Variants in TGM4 observed in about 807,000 individuals in gnomAD.
The protein encoded by TGM4 is protein-glutamine gamma-glutamyltransferase 4.
TGM4 carries 61 observed loss-of-function variants against 76.3 expected under a neutral mutation model. The observed-to-expected ratio is 0.80, with a 90% CI of 0.65 to 0.99. The LOEUF (loss-of-function observed/expected upper bound fraction) is 0.99. Among genes scored for constraint, TGM4 ranks in the 50% least tolerant of loss-of-function variants. The pLI is 0.00. For synonymous variants in TGM4, 337 were observed against 329.8 expected (o/e 1.02, Z -0.24); for missense variants, 794 against 843.2 (o/e 0.94, Z 0.72).
chr3:44,879,237 GTCTC>G (rs377695202), intron 1 of TGM4, among the ~76,000 whole-genome samples: 9,710 of 117,708 alleles, frequency 0.082, 511 homozygotes, highest in East Asian at 0.16. Flanking sequence ...CTATTTTATG[GTCTC>G]TCTCTCTCTC....
intron 1 of TGM4, among the ~76,000 whole-genome samples, chr3:44,879,677 C>T (rs1033283951): frequency 1.1e-4 from 16 of 151,852 alleles, no homozygotes; most frequent in African/African-American, 3.1e-4. Flanking sequence ...GGGGTTTCAC[C>T]GTGTTGGTCA....
intron 6 of TGM4, 119 bp downstream of exon 6, chr3:44,896,935 C>G: frequency 4.6e-6 from 3 of 651,804 alleles, no homozygotes; most frequent in East Asian, 2.8e-5. Context: ...TATGGCCAAT[C>G]AATTGTTCAA....
chr3:44,887,572 AGCCTGGAAAG>A, intron 2 of TGM4, 107 bp from the exon 3 acceptor site: 1 of 826,386 alleles, frequency 1.2e-6, no homozygotes, highest in Middle Eastern at 3.4e-4. Context: ...GGGACAAATG[AGCCTGGAAAG>A]GAGGGGTGGG....
intron 13 of TGM4, 149 bp from the exon 14 acceptor site, chr3:44,913,435 G>A: frequency 2.1e-6 from 2 of 936,782 alleles, no homozygotes; most frequent in Non-Finnish European, 3.1e-6. Flanking sequence ...CAGGGTGCAG[G>A]TACACTGTGC....
At chr3:44,903,413 T>C (rs1699880044) in intron 8 of TGM4, 1 of 152,534 alleles carries the variant, frequency 6.6e-6, no homozygotes, top group Admixed American at 6.5e-5. Context: ...TCCCAGTGAA[T>C]TGAATACATT....
rs1340144262 is a variant in TGM4 at position 44,907,071 on chromosome 3, A to G, written c.1198A>G (p.Met400Val). 5.0e-6 allele frequency: 8 copies of G among 1,614,058 alleles called. No individual in the cohort carries two copies. Among genetic ancestry groups the G allele is most frequent in the Non-Finnish European group, 6.8e-6 (8 of 1,180,044 alleles). The change falls in exon 10 of 14, where the codon ATG becomes GTG. Residue 400 changes from methionine to valine, a missense_variant. Transcript: ENST00000296125. The stretch of plus-strand genomic sequence containing the variant: ...TGACAGGCTCATCTGGTTGGTGAAG[A>G]TGGTGAATGGGCAGGAGGAGTTACA... ...NGDRLIWLVK[M>V]VNGQEELHVI...
intron 5 of TGM4, 38 bp from the exon 6 acceptor site, chr3:44,896,671 A>G: frequency 6.2e-7 from 1 of 1,602,668 alleles, no homozygotes; most frequent in Non-Finnish European, 8.5e-7. Flanking sequence ...GACACAGGGC[A>G]AAGTCTTAAC....
rs773385557 is a variant in TGM4, at chr3:44,911,416, C to A, written c.1913+10C>A. ...AGACCTCTGACCATGGGTGAGTCTG[C>A]CTGAGGTATTCTTAGAAATATGCTT... On this transcript the variant is annotated intron_variant, in intron 13 of 13. Coordinates refer to ENST00000296125, the MANE Select transcript of TGM4 (RefSeq NM_003241.4). 2 of 1,613,612 alleles carry A rather than the reference C, an allele frequency of 1.2e-6. No homozygotes were observed. The highest frequency in any genetic ancestry group is 1.1e-5 in the South Asian group (1 of 91,014).
Position 44,896,773 on chromosome 3 carries a change from A to T in TGM4, c.614A>T (p.Asp205Val), listed in dbSNP as rs145127856. The T allele has an allele frequency of 1.2e-5, 19 of 1,614,042 alleles. No homozygotes were observed. Among genetic ancestry groups the T allele is most frequent in the Non-Finnish European group, 1.5e-5 (18 of 1,180,024 alleles). Residue 205 changes from aspartate (D) to valine (V), a missense_variant, in exon 6 of 14, where the codon GAT (aspartate) becomes GTT (valine). Physicochemically the swap from Asp to Val is radical, Grantham distance 152. Transcript: ENST00000296125. ...ACTGAGAGCTCCCTCAAGCCCACAGATAGGAGGGACCCCGTGCTGGTGTGC... is the reference window on the plus strand; with the variant it reads ...ACTGAGAGCTCCCTCAAGCCCACAGTTAGGAGGGACCCCGTGCTGGTGTGC... ...LLTESSLKPT[D>V]RRDPVLVCRA...
At chr3:44,880,742 A>G (rs553044952) in intron 1 of TGM4, among the ~76,000 whole-genome samples, 10 of 152,174 alleles carry the variant, frequency 6.6e-5, no homozygotes, top group Admixed American at 2.0e-4. Context: ...TTCAGCAATC[A>G]TAACTTTATT....
intron 9 of TGM4, among the ~76,000 whole-genome samples, chr3:44,906,520 AT>A (rs1294488991): frequency 6.6e-6 from 1 of 152,230 alleles, no homozygotes; most frequent in Non-Finnish European, 1.5e-5. Context: ...GGATTATTTA[AT>A]TTAATCTTCG....
Position 44,907,216 on chromosome 3 carries a change from G to C in TGM4, c.1327+16G>C. 1 of 1,611,714 alleles carries C rather than the reference G, an allele frequency of 6.2e-7. No individual in the cohort carries two copies. The highest frequency in any genetic ancestry group is 1.1e-5 in the South Asian group (1 of 90,928). Reference sequence around the variant, plus strand: ...TATCCAGAAGGTGCTAGCATCACAGGGCTCCTTCTGACTCAGCCCCTGAGT... The same window carrying C: ...TATCCAGAAGGTGCTAGCATCACAGCGCTCCTTCTGACTCAGCCCCTGAGT... On this transcript the variant is annotated intron_variant, in intron 10 of 13. Coordinates refer to ENST00000296125, the MANE Select transcript of TGM4 (RefSeq NM_003241.4).
chr3:44,877,736 A>G (rs1336723405), intron 1 of TGM4, among the ~76,000 whole-genome samples: 2 of 152,244 alleles, frequency 1.3e-5, no homozygotes, highest in African/African-American at 4.8e-5. Flanking sequence ...TCACTGGTGC[A>G]GTCGCTAGAA....
chr3:44,876,798 A>G (rs950290286), intron 1 of TGM4, among the ~76,000 whole-genome samples: 2 of 152,222 alleles, frequency 1.3e-5, no homozygotes, highest in Non-Finnish European at 2.9e-5. Context: ...TCAGAAGGTA[A>G]TGGAACTGTG....
chr3:44,892,105 A>G (rs1242268806), intron 4 of TGM4, among the ~76,000 whole-genome samples: 1 of 151,656 alleles, frequency 6.6e-6, no homozygotes, highest in Non-Finnish European at 1.5e-5. Context: ...AAAAATACAA[A>G]AAATTAGCTG....
chr3:44,910,930 T>A (rs1243460440), intron 11 of TGM4, 28 bp from the exon 12 acceptor site: 1 of 1,608,284 alleles, frequency 6.2e-7, no homozygotes, highest in African/African-American at 1.3e-5. Flanking sequence ...ATGAATGACC[T>A]CTCCCCTCCA....
At position 44,878,059 on chromosome 3, in the gene TGM4, G is replaced by C. The variant is rs115276197; in HGVS notation, c.19+3362G>C. Among the ~76,000 whole-genome samples the C allele has an allele frequency of 3.6e-3, 542 of 152,078 alleles. 1 individual carries two copies. Among genetic ancestry groups the C allele is most frequent in the African/African-American group, 0.012 (513 of 41,474 alleles). ...CCAGCTACTCAGGAGGATGAGGTGA[G>C]AGGATTGCTTCAGCCCAGGAGGTCG... On this transcript the variant is annotated intron_variant, in intron 1 of 13. Transcript: ENST00000296125.
At position 44,903,892 on chromosome 3, in the gene TGM4, A is replaced by G. The variant is rs1220946850; in HGVS notation, c.980A>G (p.His327Arg). The G allele has an allele frequency of 1.2e-6, 2 of 1,613,812 alleles. No homozygotes were observed. Among genetic ancestry groups the G allele is most frequent in the Non-Finnish European group, 1.7e-6 (2 of 1,179,822 alleles). Residue 327 changes from histidine to arginine, a missense_variant, in exon 9 of 14, where the codon CAT (histidine) becomes CGT (arginine). Physicochemically the swap from His to Arg is conservative, Grantham distance 29 (BLOSUM62 0). Coordinates refer to ENST00000296125, the MANE Select transcript of TGM4 (RefSeq NM_003241.4). ...SMTHDSVWNF[H>R]VWTDAWMKRP... ...TTCCCAATTTGCGGCAGGAATTTCC[A>G]TGTGTGGACGGATGCCTGGATGAAG...
chr3:44,904,061 G>C (rs913753751), intron 9 of TGM4, 74 bp downstream of exon 9: 37 of 1,334,322 alleles, frequency 2.8e-5, no homozygotes, highest in Non-Finnish European at 3.9e-5. Context: ...GTGGGTCTTG[G>C]GTATGCAGCC....
Sources: allele counts gnomAD v4.1 joint callset (sites outside exome capture counted in the v4.1 genomes callset), GRCh38; gene constraint gnomAD v4.1.1; transcripts MANE v1.5; gene names NCBI Gene and HGNC (gene_info 2026-07-23, HGNC 2026-07-21).